The following NIPBL variants were observed in gnomAD, a reference collection of about 807,000 sequenced individuals.
NIPBL encodes the protein NIPBL cohesin loading factor, also known as nipped-B-like protein.
Under a neutral mutation model 321.8 loss-of-function variants are expected in NIPBL, and 19 were observed. The ratio of observed to expected loss-of-function variants is 0.06; its 90% CI spans 0.04 to 0.09. The LOEUF (loss-of-function observed/expected upper bound fraction) is 0.09. Among genes scored for constraint, NIPBL ranks in the 10% least tolerant of loss-of-function variants. The probability of loss-of-function intolerance (pLI) is 1.00; values close to 1 mark genes in which losing one functional copy is unlikely to be tolerated. For missense variants in NIPBL, 2,210 were observed against 3,327.0 expected (o/e 0.66, Z 8.26); for synonymous variants, 1,106 against 1,114.1 (o/e 0.99, Z 0.14).
chr5:37,061,552 A>G (rs1185523056), intron 45 of NIPBL, among the ~76,000 whole-genome samples: 2 of 152,040 alleles, frequency 1.3e-5, no homozygotes, highest in African/African-American at 4.8e-5. Flanking sequence ...AGTGGTGTGC[A>G]CCTGTAGTCC....
intron 1 of NIPBL, among the ~76,000 whole-genome samples, chr5:36,943,221 A>G (rs1169120489): frequency 2.6e-5 from 4 of 152,192 alleles, no homozygotes; most frequent in African/African-American, 9.7e-5. Flanking sequence ...GAATTAATAT[A>G]CAATATTCTA....
intron 1 of NIPBL, among the ~76,000 whole-genome samples, chr5:36,908,663 G>T (rs757947036): frequency 6.6e-6 from 1 of 152,110 alleles, no homozygotes; most frequent in Non-Finnish European, 1.5e-5. Flanking sequence ...TGTAAGTTCT[G>T]GTTTCAGTTT....
chr5:37,000,762 G>A (rs1746700358), intron 12 of NIPBL, 55 bp from the exon 13 acceptor site: 2 of 1,469,420 alleles, frequency 1.4e-6, no homozygotes, highest in Non-Finnish European at 1.9e-6. Context: ...AACAAAAATG[G>A]AATTATTTTA....
chr5:36,967,300 G>A (rs1580351545), intron 6 of NIPBL, among the ~76,000 whole-genome samples: 1 of 151,956 alleles, frequency 6.6e-6, no homozygotes, highest in African/African-American at 2.4e-5. Flanking sequence ...ATATAAATTG[G>A]TGCAACTTTT....
chr5:36,888,936 G>A (rs1032814235), intron 1 of NIPBL, among the ~76,000 whole-genome samples: 6 of 152,104 alleles, frequency 3.9e-5, no homozygotes, highest in Non-Finnish European at 8.8e-5. Flanking sequence ...CTAGTGCCAA[G>A]TACCATATTT....
intron 16 of NIPBL, among the ~76,000 whole-genome samples, chr5:37,006,070 T>C (rs1747389666): frequency 6.6e-6 from 1 of 152,120 alleles, no homozygotes; most frequent in South Asian, 2.1e-4. Context: ...ATAAGCTAAA[T>C]CTTAAATTCG....
intron 9 of NIPBL, among the ~76,000 whole-genome samples, chr5:36,980,860 C>T (rs985857746): frequency 6.6e-6 from 1 of 151,522 alleles, no homozygotes; most frequent in African/African-American, 2.4e-5. Flanking sequence ...TCAGTTTCTG[C>T]ATTGTGTGAT....
At chr5:37,048,710 C>A (rs943655071) in intron 39 of NIPBL, 35 bp downstream of exon 39, 6 of 1,442,134 alleles carry the variant, frequency 4.2e-6, no homozygotes, top group Middle Eastern at 2.1e-4. Context: ...TTCATAGCTA[C>A]ATTTATATTA....
intron 9 of NIPBL, among the ~76,000 whole-genome samples, chr5:36,978,297 G>C (rs960781521): frequency 2.6e-5 from 4 of 152,092 alleles, no homozygotes; most frequent in Admixed American, 6.6e-5. Flanking sequence ...ATTCTGACTG[G>C]TGTAAGATTG....
chr5:36,885,979 A>G (rs1163143959), intron 1 of NIPBL: 3 of 728,162 alleles, frequency 4.1e-6, no homozygotes, highest in Non-Finnish European at 7.6e-6. Context: ...ACGACGAGCT[A>G]GCTCAGAAGA....
At position 37,024,857 on chromosome 5, in the gene NIPBL, AC is replaced by A. The variant is rs1419443886; in HGVS notation, c.5709+139del. 14 of 674,108 alleles carry A rather than the reference AC, an allele frequency of 2.1e-5. No individual in the cohort carries two copies. In the East Asian group the frequency reaches 4.1e-4, roughly 20 times the overall value. The allele number at this position is 674,108 out of a possible 1,614,324, so 41.8% of individuals were successfully genotyped here. ...TATAGTTTATAAACTTAAGAAAAAT[AC>A]ATACTTTAATTTTTTTTGTTTCTAG... On this transcript the variant is annotated intron_variant, in intron 30 of 46. Transcript: ENST00000282516.
chr5:36,952,995 G>A (rs942068157), intron 1 of NIPBL, among the ~76,000 whole-genome samples: 1 of 152,152 alleles, frequency 6.6e-6, no homozygotes, highest in African/African-American at 2.4e-5. Context: ...ACGTGCTTTG[G>A]ATCTTGAAGA....
chr5:36,930,904 T>C (rs1301715881), intron 1 of NIPBL, among the ~76,000 whole-genome samples: 2 of 152,166 alleles, frequency 1.3e-5, no homozygotes, highest in African/African-American at 4.8e-5. Context: ...GGTCATAATG[T>C]GTAGTCATTT....
At chr5:36,957,321 T>C (rs1008563768) in intron 3 of NIPBL, among the ~76,000 whole-genome samples, 1 of 152,166 alleles carries the variant, frequency 6.6e-6, no homozygotes, top group Non-Finnish European at 1.5e-5. Context: ...ATGGAAAAAT[T>C]ACATAACCTC....
intron 1 of NIPBL, chr5:36,885,130 G>A (rs1219720171): frequency 1.2e-5 from 5 of 410,952 alleles, no homozygotes; most frequent in South Asian, 4.2e-5. Flanking sequence ...TGAGAAATAC[G>A]TTACAGCACA....
intron 1 of NIPBL, among the ~76,000 whole-genome samples, chr5:36,948,417 T>C (rs1739924794): frequency 6.6e-6 from 1 of 151,978 alleles, no homozygotes; most frequent in African/African-American, 2.4e-5. Context: ...GCTTTAGTTA[T>C]GTTGAAGACA....
At chr5:37,001,344 A>G (rs1345249700) in intron 14 of NIPBL, among the ~76,000 whole-genome samples, 2 of 152,200 alleles carry the variant, frequency 1.3e-5, no homozygotes, top group Admixed American at 6.6e-5. Context: ...ACTCTGTGCT[A>G]TCAAGAAACT....
At chr5:36,952,051 T>TGTGC (rs1554010253) in intron 1 of NIPBL, among the ~76,000 whole-genome samples, 40 of 102,802 alleles carry the variant, frequency 3.9e-4, no homozygotes, top group Admixed American at 3.8e-3. Context: ...TGTGTGTGTG[T>TGTGC]GTGCGCGCGC....
chr5:36,945,856 A>C (rs1224084744), intron 1 of NIPBL, among the ~76,000 whole-genome samples: 1 of 152,170 alleles, frequency 6.6e-6, no homozygotes, highest in Non-Finnish European at 1.5e-5. Context: ...AGGAATCTGA[A>C]GGTGGCTTGA....
Sources: gnomAD v4.1 joint callset for allele counts (sites outside exome capture counted in the v4.1 genomes callset) on GRCh38, gnomAD v4.1.1 for gene constraint, MANE v1.5 for transcripts, NCBI Gene and HGNC (gene_info 2026-07-23, HGNC 2026-07-21) for gene names.